MACROD2: variants seen among roughly 807,000 people sequenced by gnomAD.
MACROD2 encodes the protein ADP-ribose glycohydrolase MACROD2.
Under a neutral mutation model 70.4 loss-of-function variants are expected in MACROD2, and 36 were observed. That is an observed-to-expected ratio of 0.51 (90% CI 0.39 to 0.68). The LOEUF (loss-of-function observed/expected upper bound fraction) is 0.68, where lower values mean the gene tolerates loss of function less well. MACROD2 is among the 30% of genes least tolerant of loss of function. The pLI, the probability that MACROD2 is intolerant of heterozygous loss-of-function variation, is 0.00. For synonymous variants in MACROD2, 172 were observed against 178.8 expected, an observed-to-expected ratio of 0.96 and a Z score of 0.30; for missense variants, 496 against 538.4, an observed-to-expected ratio of 0.92 and a Z score of 0.78.
intron 3 of MACROD2, among the ~76,000 whole-genome samples, chr20:14,436,726 GC>G (rs2084060360): frequency 6.6e-6 from 1 of 152,178 alleles, no homozygotes; most frequent in Non-Finnish European, 1.5e-5. Context: ...GAGTGACCTA[GC>G]TGTATCAACC....
In MACROD2 at chr20:15,576,552, G is replaced by GTTTTTTTT. The variant is rs11473854; in HGVS notation, c.645+76710_645+76717dup. ...ACTAACTTTGTTTTCTGCACAAAAT[G>GTTTTTTTT]TTTTTTTTTTTTCTTCCCAGAGGTT... On this transcript the variant is annotated intron_variant, in intron 8 of 17. Coordinates refer to ENST00000684519, the MANE Select transcript of MACROD2 (RefSeq NM_001351661.2). Among the ~76,000 whole-genome samples, 15 of 145,746 alleles carry GTTTTTTTT rather than the reference G, an allele frequency of 1.0e-4. 1 individual carries two copies. Among genetic ancestry groups the GTTTTTTTT allele is most frequent in the Non-Finnish European group, 1.8e-4 (12 of 67,000 alleles).
intron 5 of MACROD2, among the ~76,000 whole-genome samples, chr20:14,967,948 C>A (rs1434151227): frequency 6.6e-6 from 1 of 151,892 alleles, no homozygotes; most frequent in Non-Finnish European, 1.5e-5. Flanking sequence ...CCTTTTTGTT[C>A]TACTCTAATA....
At chr20:14,385,290 C>T (rs1214738863) in intron 3 of MACROD2, among the ~76,000 whole-genome samples, 2 of 152,056 alleles carry the variant, frequency 1.3e-5, no homozygotes, top group Non-Finnish European at 2.9e-5. Flanking sequence ...ATGTTATATA[C>T]ATTTTTATTG....
chr20:14,123,927 A>T (rs2054614746), intron 3 of MACROD2, among the ~76,000 whole-genome samples: 1 of 152,116 alleles, frequency 6.6e-6, no homozygotes, highest in Non-Finnish European at 1.5e-5. Flanking sequence ...GTGGTATTTA[A>T]AATCTCTCTC....
chr20:15,533,367 T>C (rs961134021), intron 8 of MACROD2, among the ~76,000 whole-genome samples: 1 of 152,216 alleles, frequency 6.6e-6, no homozygotes, highest in African/African-American at 2.4e-5. Flanking sequence ...ATTAGGACAG[T>C]GCTACATAAG....
chr20:14,395,811 C>G (rs2083574545), intron 3 of MACROD2, among the ~76,000 whole-genome samples: 1 of 152,180 alleles, frequency 6.6e-6, no homozygotes, highest in South Asian at 2.1e-4. Flanking sequence ...TACATACTTT[C>G]TAATTTCTCT....
intron 5 of MACROD2, among the ~76,000 whole-genome samples, chr20:15,136,116 C>T (rs950764985): frequency 2.7e-5 from 4 of 150,646 alleles, no homozygotes; most frequent in Non-Finnish European, 4.4e-5. Context: ...GAATCAATAT[C>T]GTGAAAATGG....
chr20:14,958,519 C>T (rs1321891066), intron 5 of MACROD2, among the ~76,000 whole-genome samples: 2 of 152,174 alleles, frequency 1.3e-5, no homozygotes, highest in African/African-American at 2.4e-5. Flanking sequence ...GCACTCCCAT[C>T]CAGGCTTATT....
chr20:15,902,496 G>A (rs1168673937), intron 10 of MACROD2, among the ~76,000 whole-genome samples: 1 of 152,090 alleles, frequency 6.6e-6, no homozygotes, highest in Non-Finnish European at 1.5e-5. Flanking sequence ...CCAACGATAA[G>A]CAATTATTAT....
At position 15,245,400 on chromosome 20, in the gene MACROD2, GA is replaced by G. The variant is rs374342756; in HGVS notation, c.540+15347del. Among the ~76,000 whole-genome samples the G allele has an allele frequency of 5.3e-4, 80 of 152,010 alleles. No homozygotes were observed. The South Asian group carries it at 6.2e-3, about 12-fold the overall frequency. On this transcript the variant is annotated intron_variant, in intron 6 of 17. Coordinates refer to ENST00000684519, the MANE Select transcript of MACROD2 (RefSeq NM_001351661.2). ...AAATGTATTTATGGTATTTCTATTA[GA>G]AAAAAAATCTCAGGAACTAATTATG...
intron 5 of MACROD2, among the ~76,000 whole-genome samples, chr20:14,740,624 T>G (rs1057215150): frequency 6.6e-6 from 1 of 152,228 alleles, no homozygotes; most frequent in African/African-American, 2.4e-5. Context: ...ATGCTTACAC[T>G]GAAAGCAAGC....
intron 4 of MACROD2, among the ~76,000 whole-genome samples, chr20:14,517,466 T>G (rs1165342306): frequency 3.3e-5 from 5 of 152,030 alleles, no homozygotes; most frequent in Non-Finnish European, 7.4e-5. Flanking sequence ...GTGTTTTCAC[T>G]CATAAGTGGG....
At chr20:14,587,925 A>C (rs929396680) in intron 4 of MACROD2, among the ~76,000 whole-genome samples, 2 of 152,066 alleles carry the variant, frequency 1.3e-5, no homozygotes, top group African/African-American at 4.8e-5. Context: ...TACCCCTTTA[A>C]GTGTGTTGCT....
chr20:14,995,067 C>A (rs916646394), intron 5 of MACROD2, among the ~76,000 whole-genome samples: 4 of 152,052 alleles, frequency 2.6e-5, no homozygotes, highest in Non-Finnish European at 4.4e-5. Flanking sequence ...TACAAAACTA[C>A]ATCATAATAT....
At chr20:15,352,956 C>G (rs1306811710) in intron 6 of MACROD2, among the ~76,000 whole-genome samples, 1 of 151,394 alleles carries the variant, frequency 6.6e-6, no homozygotes, top group Non-Finnish European at 1.5e-5. Flanking sequence ...CAATGCCATC[C>G]CCATCAAGCT....
At chr20:15,622,115 G>A (rs1254384887) in intron 8 of MACROD2, among the ~76,000 whole-genome samples, 6 of 152,140 alleles carry the variant, frequency 3.9e-5, no homozygotes, top group East Asian at 3.9e-4. Context: ...CGTCTTGAAC[G>A]GAACAGTTGT....
chr20:14,773,698 C>T (rs2072199748), intron 5 of MACROD2, among the ~76,000 whole-genome samples: 1 of 152,070 alleles, frequency 6.6e-6, no homozygotes, highest in Non-Finnish European at 1.5e-5. Context: ...GGGCTTAACT[C>T]ACATCTAATA....
chr20:14,306,452 A>G (rs1462650209), intron 3 of MACROD2, among the ~76,000 whole-genome samples: 2 of 152,166 alleles, frequency 1.3e-5, no homozygotes, highest in Admixed American at 6.5e-5. Context: ...GCTGAATAAC[A>G]TGATTATACA....
intron 5 of MACROD2, among the ~76,000 whole-genome samples, chr20:15,171,746 A>G (rs1387390889): frequency 2.0e-5 from 3 of 151,972 alleles, no homozygotes; most frequent in African/African-American, 7.3e-5. Flanking sequence ...CTTCTATCCC[A>G]TTATTCTCTA....
Sources: gnomAD v4.1 joint callset for allele counts (sites outside exome capture counted in the v4.1 genomes callset) on GRCh38, gnomAD v4.1.1 for gene constraint, MANE v1.5 for transcripts, NCBI Gene and HGNC (gene_info 2026-07-23, HGNC 2026-07-21) for gene names.